Variants in THRB observed in about 807,000 individuals in gnomAD.
THRB encodes the protein nuclear receptor subfamily 1 group A member 2.
A neutral mutation model predicts 47.8 loss-of-function variants in THRB; 12 were observed. The observed-to-expected ratio is 0.25, with a 90% CI of 0.16 to 0.41. The LOEUF (loss-of-function observed/expected upper bound fraction) is 0.41. Ranked by LOEUF, THRB falls within the 10% of genes least tolerant of loss-of-function variation. THRB has a pLI of 1.00. For synonymous variants in THRB, 218 were observed against 212.2 expected, an observed-to-expected ratio of 1.03 and a Z score of -0.24; for missense variants, 348 against 589.2, an observed-to-expected ratio of 0.59 and a Z score of 4.24.
chr3:24,316,802 C>A (rs895480729), intron 2 of THRB, among the ~76,000 whole-genome samples: 2 of 152,268 alleles, frequency 1.3e-5, no homozygotes, highest in Non-Finnish European at 2.9e-5. Flanking sequence ...CCACAGCACA[C>A]CTTAAAACAT....
At chr3:24,274,000 G>C in intron 3 of THRB, among the ~76,000 whole-genome samples, 1 of 152,166 alleles carries the variant, frequency 6.6e-6, no homozygotes, top group South Asian at 2.1e-4. Context: ...GGTTTGTTCT[G>C]TTTTCAGATA....
At chr3:24,185,457 A>G (rs1403682176) in intron 5 of THRB, among the ~76,000 whole-genome samples, 1 of 152,322 alleles carries the variant, frequency 6.6e-6, no homozygotes, top group East Asian at 1.9e-4. Flanking sequence ...TTTTTTTTCT[A>G]CCATGAACAT....
intron 1 of THRB, among the ~76,000 whole-genome samples, chr3:24,360,879 T>G (rs1231778934): frequency 6.6e-6 from 1 of 152,132 alleles, no homozygotes; most frequent in Non-Finnish European, 1.5e-5. Context: ...GCTATTGCTG[T>G]TGTTGAAAAT....
chr3:24,124,423 A>G (rs2032323460), intron 10 of THRB, among the ~76,000 whole-genome samples: 1 of 152,204 alleles, frequency 6.6e-6, no homozygotes, highest in Admixed American at 6.5e-5. Context: ...TTTTTGACCC[A>G]AATAGAAGAT....
intron 8 of THRB, among the ~76,000 whole-genome samples, chr3:24,141,936 T>G (rs574298348): frequency 6.6e-6 from 1 of 152,338 alleles, no homozygotes; most frequent in African/African-American, 2.4e-5. Flanking sequence ...TGTACTGTGT[T>G]AGAATTTGTC....
chr3:24,351,890 C>T (rs1050718861), intron 1 of THRB, among the ~76,000 whole-genome samples: 3 of 152,154 alleles, frequency 2.0e-5, no homozygotes. Flanking sequence ...TATACTCTTG[C>T]TTTCCATGAA....
At chr3:24,367,790 A>G (rs1203598749) in intron 1 of THRB, among the ~76,000 whole-genome samples, 1 of 152,196 alleles carries the variant, frequency 6.6e-6, no homozygotes, top group East Asian at 1.9e-4. Context: ...CCGGGCTTGC[A>G]GGACATCTCT....
chr3:24,432,761 A>G (rs994663696), intron 1 of THRB, among the ~76,000 whole-genome samples: 2 of 152,058 alleles, frequency 1.3e-5, no homozygotes, highest in Non-Finnish European at 2.9e-5. Context: ...CCCACTGCCA[A>G]TGGATAGAAA....
chr3:24,375,646 C>A (rs1577179437), intron 1 of THRB, among the ~76,000 whole-genome samples: 1 of 150,646 alleles, frequency 6.6e-6, no homozygotes, highest in African/African-American at 2.4e-5. Context: ...TTTCTTAGAC[C>A]CCCCCAGACT....
At chr3:24,138,226 G>A (rs923143110) in intron 8 of THRB, among the ~76,000 whole-genome samples, 2 of 152,214 alleles carry the variant, frequency 1.3e-5, no homozygotes, top group Non-Finnish European at 2.9e-5. Context: ...AGAATGGAGT[G>A]GGGCCAGATG....
At chr3:24,183,317 A>T (rs1362211858) in intron 5 of THRB, among the ~76,000 whole-genome samples, 1 of 148,776 alleles carries the variant, frequency 6.7e-6, no homozygotes, top group Non-Finnish European at 1.5e-5. Context: ...TGGGGGCTTT[A>T]TACATATTAT....
chr3:24,473,594 T>A (rs1695012545), intron 1 of THRB, among the ~76,000 whole-genome samples: 1 of 152,222 alleles, frequency 6.6e-6, no homozygotes, highest in African/African-American at 2.4e-5. Flanking sequence ...ACTGGGTATA[T>A]ACCCAAAGGA....
intron 5 of THRB, among the ~76,000 whole-genome samples, chr3:24,180,289 G>A (rs367815004): frequency 6.6e-5 from 10 of 152,164 alleles, no homozygotes; most frequent in African/African-American, 2.2e-4. Context: ...AACTATGGGT[G>A]GTTGGGGTAC....
intron 1 of THRB, chr3:24,459,249 A>C (rs1286001370): frequency 6.6e-6 from 1 of 152,194 alleles, no homozygotes; most frequent in African/African-American, 2.4e-5. Context: ...CTTGCTGAGA[A>C]TGATGGTTTC....
At chr3:24,470,894 G>A (rs1489595993) in intron 1 of THRB, among the ~76,000 whole-genome samples, 1 of 152,220 alleles carries the variant, frequency 6.6e-6, no homozygotes, top group Non-Finnish European at 1.5e-5. Context: ...TGGGATTACA[G>A]GCATGAGCCA....
chr3:24,185,519 C>A (rs754641108), intron 5 of THRB, among the ~76,000 whole-genome samples: 1 of 152,154 alleles, frequency 6.6e-6, no homozygotes, highest in Non-Finnish European at 1.5e-5. Flanking sequence ...ATTATTTTAA[C>A]TGATTCCCTC....
intron 3 of THRB, among the ~76,000 whole-genome samples, chr3:24,274,163 A>G (rs1206034851): frequency 6.6e-6 from 1 of 152,134 alleles, no homozygotes; most frequent in Non-Finnish European, 1.5e-5. Flanking sequence ...CCTATTATTT[A>G]TTATACTTCT....
At chr3:24,433,995 G>A (rs139152341) in intron 1 of THRB, among the ~76,000 whole-genome samples, 4 of 146,984 alleles carry the variant, frequency 2.7e-5, no homozygotes, top group Non-Finnish European at 6.1e-5. Flanking sequence ...GCTTACTTAG[G>A]TAGTCCAATA....
intron 1 of THRB, among the ~76,000 whole-genome samples, chr3:24,470,523 G>A (rs1454369817): frequency 6.6e-6 from 1 of 152,168 alleles, no homozygotes; most frequent in East Asian, 1.9e-4. Context: ...TACTTGGAAC[G>A]GTGCCTGGTA....
Sources: gnomAD v4.1 joint callset for allele counts (sites outside exome capture counted in the v4.1 genomes callset) on GRCh38, gnomAD v4.1.1 for gene constraint, MANE v1.5 for transcripts, NCBI Gene and HGNC (gene_info 2026-07-23, HGNC 2026-07-21) for gene names.